The following CPXM2 variants were observed in gnomAD, a reference collection of about 807,000 sequenced individuals.
CPXM2 encodes inactive carboxypeptidase-like protein X2.
A neutral mutation model predicts 86.1 loss-of-function variants in CPXM2; 66 were observed. That is an observed-to-expected ratio of 0.77 (90% CI 0.63 to 0.94). The LOEUF (loss-of-function observed/expected upper bound fraction) is 0.94. Among genes scored for constraint, CPXM2 ranks in the 40% least tolerant of loss-of-function variants. The pLI is 0.00. For missense variants in CPXM2, 948 were observed against 1,026.3 expected, an observed-to-expected ratio of 0.92 and a Z score of 1.04; for synonymous variants, 388 against 400.2, an observed-to-expected ratio of 0.97 and a Z score of 0.36.
At chr10:123,888,036 A>G (rs769405553) in intron 1 of CPXM2, among the ~76,000 whole-genome samples, 22 of 152,210 alleles carry the variant, frequency 1.4e-4, no homozygotes, top group Non-Finnish European at 2.5e-4. Flanking sequence ...CATGAATGTC[A>G]GCATGTCACA....
intron 4 of CPXM2, among the ~76,000 whole-genome samples, chr10:123,820,642 A>G (rs897182156): frequency 1.3e-5 from 2 of 152,220 alleles, no homozygotes; most frequent in African/African-American, 4.8e-5. Context: ...GCTATAGTCA[A>G]GTTGTGAGCA....
chr10:123,749,985 T>TG lies in CPXM2; in HGVS notation c.2018-2969_2018-2968insC, dbSNP rs540983301. 7.8e-5 allele frequency: 28 copies of TG among 360,634 alleles called. No homozygotes were observed. The South Asian group carries it at 2.6e-3, about 33-fold the overall frequency. The allele number at this position is 360,634 out of a possible 1,614,324, so 22.3% of individuals were successfully genotyped here. ...CATGCTCGGCTAATTTTTGTTTTTTTTTTTTTTTTTTTTTAGTAGAGATGG... is the reference window on the plus strand; with the variant it reads ...CATGCTCGGCTAATTTTTGTTTTTTTGTTTTTTTTTTTTTTAGTAGAGATGG... On this transcript the variant is annotated intron_variant, in intron 13 of 13. Transcript: ENST00000241305.
intron 3 of CPXM2, 96 bp downstream of exon 3, chr10:123,862,518 A>G (rs1848872824): frequency 8.8e-6 from 9 of 1,026,620 alleles, no homozygotes; most frequent in Non-Finnish European, 1.4e-5. Flanking sequence ...ATCCAGGCTA[A>G]TGCATTTTAA....
chr10:123,844,624 C>A (rs1241261063), intron 3 of CPXM2, among the ~76,000 whole-genome samples: 1 of 152,048 alleles, frequency 6.6e-6, no homozygotes, highest in Non-Finnish European at 1.5e-5. Context: ...GTTCTTCTCT[C>A]AAAAGTCAAC....
At chr10:123,811,515 G>A (rs1315470717) in intron 4 of CPXM2, among the ~76,000 whole-genome samples, 1 of 152,112 alleles carries the variant, frequency 6.6e-6, no homozygotes, top group Non-Finnish European at 1.5e-5. Flanking sequence ...AGAAGAATAA[G>A]TTCATAACCA....
At chr10:123,880,145 T>TTGGGGCCCCCCCCC in intron 2 of CPXM2, 66 bp downstream of exon 2, 1 of 407,578 alleles carries the variant, frequency 2.5e-6, no homozygotes, top group Non-Finnish European at 4.8e-6. Flanking sequence ...CAGGGGCCTG[T>TTGGGGCCCCCCCCC]ACCCACCCAC....
chr10:123,901,091 C>G (rs540573414), intron 2 of CPXM2, among the ~76,000 whole-genome samples: 15 of 152,208 alleles, frequency 9.9e-5, no homozygotes, highest in African/African-American at 3.6e-4. Context: ...CTTTTGCCCT[C>G]CAGGGACTTT....
chr10:123,941,606 C>T (rs1208559540), upstream of CPXM2, among the ~76,000 whole-genome samples: 1 of 152,210 alleles, frequency 6.6e-6, no homozygotes, highest in Non-Finnish European at 1.5e-5. Flanking sequence ...CACAATCTGA[C>T]CCATAACAGT....
intron 6 of CPXM2, among the ~76,000 whole-genome samples, chr10:123,794,557 T>C (rs898083997): frequency 1.3e-5 from 2 of 152,162 alleles, no homozygotes; most frequent in Non-Finnish European, 2.9e-5. Context: ...GCTGGCACAG[T>C]TCTTAACTCG....
chr10:123,881,423 G>T (rs1310971042), intron 1 of CPXM2, among the ~76,000 whole-genome samples: 1 of 151,826 alleles, frequency 6.6e-6, no homozygotes, highest in African/African-American at 2.4e-5. Context: ...GCCTGATGCA[G>T]GGCTTTGGAT....
chr10:123,895,485 C>T (rs574662337), upstream of CPXM2, among the ~76,000 whole-genome samples: 17 of 152,304 alleles, frequency 1.1e-4, no homozygotes, highest in South Asian at 3.5e-3. Flanking sequence ...TTATAATATG[C>T]TAACTTTGCA....
chr10:123,839,915 T>C (rs1848352762), intron 4 of CPXM2, among the ~76,000 whole-genome samples: 1 of 152,234 alleles, frequency 6.6e-6, no homozygotes, highest in South Asian at 2.1e-4. Flanking sequence ...CTTAAAGTAA[T>C]TCTATCCCTT....
intron 2 of CPXM2, among the ~76,000 whole-genome samples, chr10:123,938,740 C>T (rs996517229): frequency 3.1e-4 from 47 of 152,164 alleles, no homozygotes; most frequent in African/African-American, 1.1e-3. Context: ...CAGGGCCACC[C>T]GTATACGCTC....
rs1422252718 is a variant in CPXM2 at position 123,746,585 on chromosome 10, A to T, written c.*179T>A. 8 of 638,420 alleles carry T rather than the reference A, an allele frequency of 1.3e-5. No individual in the cohort carries two copies. The highest frequency in any genetic ancestry group is 2.2e-5 in the Non-Finnish European group (8 of 371,532). 39.5% of individuals were successfully genotyped at this position (638,420 alleles called of 1,614,324 possible). ...GTTATTTGGATAAATGGGAACAAAG[A>T]AAAGAAAACAGCCTCAGCCTCCAGC... On this transcript the variant is annotated 3_prime_UTR_variant, in exon 14 of 14. Transcript: ENST00000241305.
intron 2 of CPXM2, among the ~76,000 whole-genome samples, chr10:123,919,337 T>C (rs1945562687): frequency 6.6e-6 from 1 of 152,240 alleles, no homozygotes; most frequent in Non-Finnish European, 1.5e-5. Context: ...ATTTTAACAG[T>C]GCCCATAGCA....
chr10:123,771,308 C>T lies in CPXM2; in HGVS notation c.979-269G>A, dbSNP rs146644358. On this transcript the variant is annotated intron_variant, in intron 7 of 13. Transcript: ENST00000241305. ...GCCATTGCCCCCACCCGGTCCTGTA[C>T]TTTCCACACCCCTTGGTTGTGGCTA... Among the ~76,000 whole-genome samples the T allele has an allele frequency of 5.8e-4, 89 of 152,298 alleles. No individual in the cohort carries two copies. In the East Asian group the frequency reaches 0.014, roughly 25 times the overall value.
chr10:123,865,823 G>A lies in CPXM2; in HGVS notation c.404-3100C>T, dbSNP rs147807478. Among the ~76,000 whole-genome samples, 1 of 152,088 alleles carries A rather than the reference G, an allele frequency of 6.6e-6. No homozygotes were observed. Among genetic ancestry groups the A allele is most frequent in the Non-Finnish European group, 1.5e-5 (1 of 67,996 alleles). ...GCCTCCTCCTGGCCAACCCCAGGAG[G>A]GGCAACACCTCCATCTCTGCTTCTT... On this transcript the variant is annotated intron_variant, in intron 2 of 13. Coordinates refer to ENST00000241305, the MANE Select transcript of CPXM2 (RefSeq NM_198148.3). The surrounding 1 kb of genome is among the most constrained non-coding windows in gnomAD (Gnocchi z 4.7).
chr10:123,797,381 G>A (rs1847355496), intron 6 of CPXM2, among the ~76,000 whole-genome samples: 2 of 152,114 alleles, frequency 1.3e-5, no homozygotes, highest in Admixed American at 1.3e-4. Flanking sequence ...TGAGTGGTAG[G>A]CATCATCTTA....
intron 7 of CPXM2, among the ~76,000 whole-genome samples, chr10:123,773,685 C>T (rs1213913157): frequency 6.6e-6 from 1 of 152,144 alleles, no homozygotes; most frequent in East Asian, 1.9e-4. Context: ...CAGTTCATTG[C>T]CACTAAGTCA....
Sources: allele counts gnomAD v4.1 joint callset (sites outside exome capture counted in the v4.1 genomes callset), GRCh38; gene constraint gnomAD v4.1.1; non-coding constraint Gnocchi (gnomAD v3.1); transcripts MANE v1.5; gene names NCBI Gene and HGNC (gene_info 2026-07-23, HGNC 2026-07-21).